The following GATAD2B variants were observed in gnomAD, a reference collection of about 807,000 sequenced individuals.
The protein encoded by GATAD2B is transcriptional repressor p66-beta.
GATAD2B carries 8 observed loss-of-function variants against 64.3 expected under a neutral mutation model. The ratio of observed to expected loss-of-function variants is 0.12; its 90% confidence interval spans 0.07 to 0.22. GATAD2B has a LOEUF of 0.22. Among genes scored for constraint, GATAD2B ranks in the 10% least tolerant of loss-of-function variants. The pLI, the probability that GATAD2B is intolerant of heterozygous loss-of-function variation, is 1.00. For synonymous variants in GATAD2B, 281 were observed against 271.3 expected (o/e 1.04, Z -0.35); for missense variants, 453 against 752.0 (o/e 0.60, Z 4.65).
At chr1:153,830,483 T>TTTA (rs1424958441) in intron 1 of GATAD2B, among the ~76,000 whole-genome samples, 37 of 126,388 alleles carry the variant, frequency 2.9e-4, no homozygotes, top group African/African-American at 8.8e-4. Flanking sequence ...TATTTATTTA[T>TTTA]TTTTTTTTTT....
At chr1:153,870,733 G>A (rs868356878) in intron 1 of GATAD2B, among the ~76,000 whole-genome samples, 2 of 152,102 alleles carry the variant, frequency 1.3e-5, no homozygotes, top group Non-Finnish European at 2.9e-5. Flanking sequence ...TCAATTTTGT[G>A]TTTAGGCTTG....
intron 1 of GATAD2B, among the ~76,000 whole-genome samples, chr1:153,913,262 A>G (rs1238053674): frequency 6.6e-6 from 1 of 152,134 alleles, no homozygotes; most frequent in Non-Finnish European, 1.5e-5. Flanking sequence ...TTTAATTTCA[A>G]GACCTACATA....
chr1:153,867,221 T>C (rs1190666976), intron 1 of GATAD2B, among the ~76,000 whole-genome samples: 1 of 152,048 alleles, frequency 6.6e-6, no homozygotes, highest in East Asian at 1.9e-4. Context: ...TTAGATAACA[T>C]AGAACCAAAA....
At chr1:153,810,406 G>C in intron 10 of GATAD2B, 96 bp from the exon 11 acceptor site, 1 of 1,269,928 alleles carries the variant, frequency 7.9e-7, no homozygotes, top group Admixed American at 2.2e-5. Context: ...GAGATGGAAA[G>C]GAAGCAGAAT....
intron 1 of GATAD2B, among the ~76,000 whole-genome samples, chr1:153,910,115 A>AAATAAT (rs903753103): frequency 1.3e-5 from 2 of 151,578 alleles, no homozygotes; most frequent in African/African-American, 4.8e-5. Flanking sequence ...CTCCGTCTCA[A>AAATAAT]AATAATAATA....
chr1:153,834,268 T>C (rs1214642133), intron 1 of GATAD2B, among the ~76,000 whole-genome samples: 1 of 151,714 alleles, frequency 6.6e-6, no homozygotes, highest in Non-Finnish European at 1.5e-5. Flanking sequence ...CCTCCCAAAG[T>C]GCTGGGATTA....
intron 1 of GATAD2B, among the ~76,000 whole-genome samples, chr1:153,877,695 T>C (rs1027705337): frequency 6.6e-6 from 1 of 151,886 alleles, no homozygotes; most frequent in African/African-American, 2.4e-5. Context: ...CTGACCAACA[T>C]GGTGAAACCT....
intron 1 of GATAD2B, among the ~76,000 whole-genome samples, chr1:153,864,750 A>G (rs1232974565): frequency 6.6e-6 from 1 of 152,238 alleles, no homozygotes; most frequent in East Asian, 1.9e-4. Context: ...TACCCATTCT[A>G]TGAATGAAAA....
intron 7 of GATAD2B, 121 bp from the exon 8 acceptor site, chr1:153,813,573 G>GTC (rs1674361983): frequency 4.4e-6 from 3 of 688,144 alleles, no homozygotes; most frequent in Non-Finnish European, 7.4e-6. Flanking sequence ...TTTACAAAAA[G>GTC]GATATTCTAT....
In GATAD2B at chr1:153,807,537, T is replaced by C. The variant is rs902001999; in HGVS notation, c.*2640A>G. The C allele has an allele frequency of 1.3e-5, 2 of 152,234 alleles. No individual in the cohort carries two copies. The highest frequency in any genetic ancestry group is 2.9e-5 in the Non-Finnish European group (2 of 68,038). 9.4% of individuals were successfully genotyped at this position (152,234 alleles called of 1,614,324 possible). On this transcript the variant is annotated 3_prime_UTR_variant, in exon 11 of 11. Transcript: ENST00000368655. ...GCGGTTGAACAAAGGGTCACCGAGC[T>C]ATACTAGTCAAGAAGCAGCTTCTAT...
chr1:153,823,272 G>A, intron 2 of GATAD2B, among the ~76,000 whole-genome samples: 1 of 152,184 alleles, frequency 6.6e-6, no homozygotes, highest in South Asian at 2.1e-4. Context: ...GACATCACTT[G>A]TGACTTAGTC....
intron 1 of GATAD2B, among the ~76,000 whole-genome samples, chr1:153,881,720 TAAGA>T (rs1253566325): frequency 6.6e-6 from 1 of 152,004 alleles, no homozygotes; most frequent in African/African-American, 2.4e-5. Flanking sequence ...GTGAGAGAGA[TAAGA>T]AATAGAGAAA....
intron 1 of GATAD2B, among the ~76,000 whole-genome samples, chr1:153,850,242 G>A (rs1435917611): frequency 6.6e-6 from 1 of 152,008 alleles, no homozygotes. Context: ...TTCCCAGTTT[G>A]GGGATCTCAG....
chr1:153,813,671 CAG>C (rs1674365032), intron 7 of GATAD2B, among the ~76,000 whole-genome samples: 1 of 152,134 alleles, frequency 6.6e-6, no homozygotes, highest in East Asian at 1.9e-4. Flanking sequence ...CAAATGAGGA[CAG>C]AAGTCGAAGA....
At chr1:153,828,756 C>A (rs1674976701) in intron 1 of GATAD2B, among the ~76,000 whole-genome samples, 1 of 151,720 alleles carries the variant, frequency 6.6e-6, no homozygotes. Flanking sequence ...GATTCAAAAT[C>A]TGAAGACATT....
intron 1 of GATAD2B, among the ~76,000 whole-genome samples, chr1:153,854,013 T>A (rs1675997152): frequency 6.6e-6 from 1 of 152,168 alleles, no homozygotes; most frequent in Non-Finnish European, 1.5e-5. Context: ...GTCCCTTCCT[T>A]TCTCTTGAGT....
At chr1:153,916,051 G>A (rs2101972349) in intron 1 of GATAD2B, among the ~76,000 whole-genome samples, 1 of 152,194 alleles carries the variant, frequency 6.6e-6, no homozygotes, top group Non-Finnish European at 1.5e-5. Flanking sequence ...AGGCCCAGGT[G>A]GGCGGATCAC....
intron 7 of GATAD2B, among the ~76,000 whole-genome samples, chr1:153,815,280 C>CAAAAAAAAAAAAAAAAAAAAAAAAAAA (rs1159204191): frequency 1.5e-5 from 1 of 66,630 alleles, no homozygotes; most frequent in Non-Finnish European, 2.7e-5. Context: ...CTCAAAAAAA[C>CAAAAAAAAAAAAAAAAAAAAAAAAAAA]AAAAAAAAAA....
chr1:153,911,981 C>A (rs1196067083), intron 1 of GATAD2B, among the ~76,000 whole-genome samples: 2 of 152,142 alleles, frequency 1.3e-5, no homozygotes, highest in Non-Finnish European at 2.9e-5. Flanking sequence ...TTATCATATT[C>A]TATTTTACTC....
Sources: gnomAD v4.1 joint callset for allele counts (sites outside exome capture counted in the v4.1 genomes callset) on GRCh38, gnomAD v4.1.1 for gene constraint, MANE v1.5 for transcripts, NCBI Gene and HGNC (gene_info 2026-07-23, HGNC 2026-07-21) for gene names.